Variants in ZNF362 observed in about 807,000 individuals in gnomAD.
The protein encoded by ZNF362 is zinc finger protein 362, also known as rotund homolog.
A neutral mutation model predicts 42.9 loss-of-function variants in ZNF362; 11 were observed. The ratio of observed to expected loss-of-function variants is 0.26; its 90% confidence interval spans 0.16 to 0.42. The LOEUF is 0.42. ZNF362 is among the 20% of genes least tolerant of loss of function. The pLI is 1.00. For missense variants in ZNF362, 362 were observed against 576.2 expected, an observed-to-expected ratio of 0.63 and a Z score of 3.81; for synonymous variants, 255 against 257.3, an observed-to-expected ratio of 0.99 and a Z score of 0.09.
the ZNF362 span, among the ~76,000 whole-genome samples, chr1:33,174,358 A>AT: frequency 6.6e-6 from 1 of 151,930 alleles, no homozygotes; most frequent in African/African-American, 2.4e-5. Flanking sequence ...ATTTTTTTGC[A>AT]TTTTTTATAG....
the ZNF362 span, among the ~76,000 whole-genome samples, chr1:33,174,595 A>AG: frequency 6.6e-6 from 1 of 152,088 alleles, no homozygotes; most frequent in Admixed American, 6.6e-5. Flanking sequence ...AGAGAGAGAG[A>AG]AGGAGAGCAT....
the ZNF362 span, among the ~76,000 whole-genome samples, chr1:33,135,250 T>C: frequency 6.6e-6 from 1 of 152,172 alleles, no homozygotes; most frequent in Admixed American, 6.5e-5. Context: ...ATGGCGCCAC[T>C]GCACTCCTGC....
chr1:33,211,578 G>C, the ZNF362 span, among the ~76,000 whole-genome samples: 1 of 152,260 alleles, frequency 6.6e-6, no homozygotes, highest in Admixed American at 6.5e-5. Flanking sequence ...ACTCTCTTCT[G>C]GTTTGCAGGG....
rs776211179 is a variant in ZNF362 at position 33,270,570 on chromosome 1, G to A, written c.-5G>A. 1 of 1,591,992 alleles carries A rather than the reference G, an allele frequency of 6.3e-7. No homozygotes were observed. Among genetic ancestry groups the A allele is most frequent in the African/African-American group, 1.3e-5 (1 of 74,610 alleles). On this transcript the variant is annotated 5_prime_UTR_variant, in exon 2 of 9. Coordinates refer to ENST00000539719, the MANE Select transcript of ZNF362 (RefSeq NM_152493.3). The stretch of plus-strand genomic sequence containing the variant: ...AGAGGGAACACTTGAGCTGGGTCTT[G>A]AAGGATGAGTAGAAGTTCACCAAGT...
At chr1:33,253,011 C>A (rs1327625005), upstream of ZNF362, among the ~76,000 whole-genome samples, 1 of 151,392 alleles carries the variant, frequency 6.6e-6, no homozygotes, top group Non-Finnish European at 1.5e-5. Flanking sequence ...CCATGGACAC[C>A]TTGGGAACCA....
At chr1:33,272,767 C>G (rs1175935263) in intron 2 of ZNF362, among the ~76,000 whole-genome samples, 1 of 152,198 alleles carries the variant, frequency 6.6e-6, no homozygotes, top group African/African-American at 2.4e-5. Flanking sequence ...ACCAGCATTC[C>G]AACCCAACAT....
chr1:33,238,405 TA>T, the ZNF362 span, among the ~76,000 whole-genome samples: 2 of 136,938 alleles, frequency 1.5e-5, no homozygotes, highest in East Asian at 2.2e-4. Flanking sequence ...TAAAATAAAA[TA>T]AAAAAAGAGA....
chr1:33,265,235 G>T (rs1450988487), intron 1 of ZNF362, among the ~76,000 whole-genome samples: 2 of 151,556 alleles, frequency 1.3e-5, no homozygotes, highest in Non-Finnish European at 2.9e-5. Context: ...CTAGATGAGG[G>T]CACTGAGGCT....
the ZNF362 span, among the ~76,000 whole-genome samples, chr1:33,159,193 C>T: frequency 6.6e-6 from 1 of 151,962 alleles, no homozygotes; most frequent in Admixed American, 6.6e-5. The surrounding 1 kb of genome is among the most constrained non-coding windows in gnomAD (Gnocchi z 4.2). Flanking sequence ...GTGGTAACTA[C>T]TTTCAAAGGG....
At chr1:33,243,203 T>A in the ZNF362 span, among the ~76,000 whole-genome samples, 4 of 151,944 alleles carry the variant, frequency 2.6e-5, no homozygotes, top group Non-Finnish European at 4.4e-5. Context: ...TTGCCCAGGG[T>A]GGAGTGCAGT....
chr1:33,172,724 A>G, the ZNF362 span, among the ~76,000 whole-genome samples: 2 of 152,180 alleles, frequency 1.3e-5, no homozygotes, highest in Non-Finnish European at 2.9e-5. Context: ...TGGGGGGCAC[A>G]GAGAGGCAGG....
the ZNF362 span, among the ~76,000 whole-genome samples, chr1:33,234,383 G>A: frequency 7.9e-5 from 12 of 152,096 alleles, no homozygotes; most frequent in African/African-American, 2.7e-4. Context: ...CACCCACGCC[G>A]TGTCATCATT....
chr1:33,197,589 A>G, the ZNF362 span, among the ~76,000 whole-genome samples: 3 of 152,212 alleles, frequency 2.0e-5, no homozygotes, highest in Non-Finnish European at 4.4e-5. Flanking sequence ...AATCTCTGGG[A>G]AACAAGCAAG....
the ZNF362 span, chr1:33,195,562 C>T: frequency 2.0e-5 from 3 of 152,200 alleles, no homozygotes; most frequent in African/African-American, 7.2e-5. Context: ...TCCTAGGCTC[C>T]TGTACAGGAT....
At chr1:33,209,167 A>T in the ZNF362 span, among the ~76,000 whole-genome samples, 1 of 152,172 alleles carries the variant, frequency 6.6e-6, no homozygotes. Context: ...TTCTGCATCT[A>T]TTGAGATAAT....
chr1:33,268,005 C>CA (rs1645876350), intron 1 of ZNF362, among the ~76,000 whole-genome samples: 1 of 152,248 alleles, frequency 6.6e-6, no homozygotes, highest in African/African-American at 2.4e-5. Context: ...ACCATACCCT[C>CA]ACCAGTATTG....
At chr1:33,160,680 C>T in the ZNF362 span, among the ~76,000 whole-genome samples, 2 of 152,158 alleles carry the variant, frequency 1.3e-5, no homozygotes, top group African/African-American at 2.4e-5. Flanking sequence ...GCTGGGATTA[C>T]AGGCGTGAGC....
At chr1:33,232,177 A>G in the ZNF362 span, among the ~76,000 whole-genome samples, 2 of 152,202 alleles carry the variant, frequency 1.3e-5, no homozygotes, top group Non-Finnish European at 2.9e-5. Context: ...AAGGCATGCA[A>G]GCCAATACTG....
At chr1:33,275,010 A>T (rs1054671831) in intron 2 of ZNF362, 1 of 984,988 alleles carries the variant, frequency 1.0e-6, no homozygotes, top group Non-Finnish European at 1.2e-6. Flanking sequence ...GGGGTTTCTC[A>T]AGCTCATAGA....
Sources: gnomAD v4.1 joint callset for allele counts (sites outside exome capture counted in the v4.1 genomes callset) on GRCh38, gnomAD v4.1.1 for gene constraint, Gnocchi (gnomAD v3.1) non-coding constraint, MANE v1.5 for transcripts, NCBI Gene and HGNC (gene_info 2026-07-23, HGNC 2026-07-21) for gene names.